Variants in MXI1 observed in about 807,000 individuals in gnomAD.
MXI1 encodes MAX interactor 1, dimerization protein, also known as max-interacting protein 1.
A neutral mutation model predicts 36.9 loss-of-function variants in MXI1; 18 were observed. The ratio of observed to expected loss-of-function variants is 0.49; its 90% CI spans 0.34 to 0.72. The LOEUF (loss-of-function observed/expected upper bound fraction) is 0.72. Among genes scored for constraint, MXI1 ranks in the 30% least tolerant of loss-of-function variants. The pLI is 0.01. For synonymous variants in MXI1, 160 were observed against 146.7 expected, an observed-to-expected ratio of 1.09 and a Z score of -0.65; for missense variants, 304 against 379.1, an observed-to-expected ratio of 0.80 and a Z score of 1.64.
Position 110,207,855 on chromosome 10 carries a change from CG to C in MXI1, c.51del (p.Leu18TrpfsTer101). 8.6e-7 allele frequency: 1 copy of C among 1,158,782 alleles called. No homozygotes were observed. 71.8% of individuals were successfully genotyped at this position (1,158,782 alleles called of 1,614,324 possible). A position where few individuals can be genotyped will look rare whatever the true frequency, so the allele number is the denominator to read the frequency against. On this transcript the variant is annotated frameshift_variant, in exon 1 of 6. Coordinates refer to ENST00000332674, the MANE Select transcript of MXI1 (RefSeq NM_130439.3). LOFTEE classifies it high-confidence loss of function. ...RPRKEARCEG[A>X]GLAPAAPPAV... Reference sequence around the variant, plus strand: ...CGCAAGGAGGCGCGCTGCGAGGGCGCGGGGCTGGCCCCCGCCGCGCCCCCGG... The same window carrying C: ...CGCAAGGAGGCGCGCTGCGAGGGCGCGGGCTGGCCCCCGCCGCGCCCCCGG...
chr10:110,245,249 A>G (rs994931664), intron 3 of MXI1, among the ~76,000 whole-genome samples: 2 of 152,160 alleles, frequency 1.3e-5, no homozygotes, highest in Non-Finnish European at 2.9e-5. Context: ...TCATTCATTC[A>G]TTCATTTATT....
intron 3 of MXI1, among the ~76,000 whole-genome samples, chr10:110,274,272 T>G (rs987829790): frequency 6.6e-6 from 1 of 152,226 alleles, no homozygotes; most frequent in Non-Finnish European, 1.5e-5. Flanking sequence ...TTAATTTTGA[T>G]AGGACTCTTC....
At chr10:110,284,703 A>T in intron 5 of MXI1, 121 bp from the exon 6 acceptor site, 2 of 943,428 alleles carry the variant, frequency 2.1e-6, no homozygotes, top group Non-Finnish European at 3.1e-6. Flanking sequence ...TTCTCCAGAC[A>T]TCACTGATAA....
intron 4 of MXI1, among the ~76,000 whole-genome samples, chr10:110,279,628 AG>A (rs1857162677): frequency 6.6e-6 from 1 of 152,226 alleles, no homozygotes; most frequent in Non-Finnish European, 1.5e-5. Context: ...ACCATACTAG[AG>A]GAAGTTTCTC....
At chr10:110,210,530 G>T (rs1182478109) in intron 1 of MXI1, among the ~76,000 whole-genome samples, 2 of 152,066 alleles carry the variant, frequency 1.3e-5, no homozygotes, top group Non-Finnish European at 2.9e-5. Flanking sequence ...GTCCCCAACA[G>T]CTCGAACAGG....
intron 3 of MXI1, among the ~76,000 whole-genome samples, chr10:110,251,137 G>A (rs1856069568): frequency 1.3e-5 from 2 of 149,498 alleles, no homozygotes; most frequent in Admixed American, 1.3e-4. Flanking sequence ...AGTTCTTACT[G>A]TGTTCCTCCA....
intron 3 of MXI1, among the ~76,000 whole-genome samples, chr10:110,266,760 A>T (rs1280173074): frequency 6.6e-6 from 1 of 152,192 alleles, no homozygotes; most frequent in Non-Finnish European, 1.5e-5. Flanking sequence ...CCTTTAATAG[A>T]GAACCCCAAG....
At chr10:110,256,358 C>T (rs1291691127) in intron 3 of MXI1, among the ~76,000 whole-genome samples, 7 of 151,484 alleles carry the variant, frequency 4.6e-5, no homozygotes, top group Non-Finnish European at 1.0e-4. Flanking sequence ...AATCCCAGCA[C>T]TTTGGGAGGC....
chr10:110,234,186 T>G (rs1443066619), intron 2 of MXI1, among the ~76,000 whole-genome samples: 2 of 152,170 alleles, frequency 1.3e-5, no homozygotes, highest in African/African-American at 4.8e-5. Context: ...GGAAGAAAGC[T>G]TTCTCTTCTA....
intron 3 of MXI1, among the ~76,000 whole-genome samples, chr10:110,256,252 T>G (rs1473282418): frequency 6.6e-6 from 1 of 152,044 alleles, no homozygotes; most frequent in Non-Finnish European, 1.5e-5. Flanking sequence ...AGGCATTGGT[T>G]TTTTACATAT....
At chr10:110,278,263 G>A (rs1230644557) in intron 3 of MXI1, among the ~76,000 whole-genome samples, 1 of 152,160 alleles carries the variant, frequency 6.6e-6, no homozygotes, top group Non-Finnish European at 1.5e-5. Flanking sequence ...GTAAATCCAT[G>A]AGGTTCTCTG....
At position 110,279,258 on chromosome 10, in the gene MXI1, A is replaced by G; in HGVS notation, c.516A>G (p.Thr172=). The G allele has an allele frequency of 6.2e-7, 1 of 1,614,180 alleles. No individual in the cohort carries two copies. The highest frequency in any genetic ancestry group is 8.5e-7 in the Non-Finnish European group (1 of 1,180,010). Residue 172 remains threonine, a synonymous_variant, in exon 4 of 6, where the codon ACA becomes ACG. Transcript: ENST00000332674. ...PLGPDCTRHT[T]LGLLNKAKAH... ...GACCAGACTGCACCCGGCACACAAC[A>G]CTTGGTTTGCTCAACAAAGCCAAAG...
At chr10:110,278,701 G>T (rs1330266717) in intron 3 of MXI1, among the ~76,000 whole-genome samples, 1 of 115,990 alleles carries the variant, frequency 8.6e-6, no homozygotes, top group Non-Finnish European at 1.6e-5. Context: ...AGAGAGGTAG[G>T]GTGTGTGTGT....
At chr10:110,281,812 T>C (rs1330951834) in intron 5 of MXI1, among the ~76,000 whole-genome samples, 1 of 152,220 alleles carries the variant, frequency 6.6e-6, no homozygotes, top group Non-Finnish European at 1.5e-5. Context: ...TGCTTTGTAC[T>C]TCCTGTTATG....
chr10:110,246,641 GT>G lies in MXI1; in HGVS notation c.437+1788del, dbSNP rs560311169. On this transcript the variant is annotated intron_variant, in intron 3 of 5. Coordinates refer to ENST00000332674, the MANE Select transcript of MXI1 (RefSeq NM_130439.3). ...ACTATGCCCCAAATGCAAAGATACTGTTTTGTTCAATTTTGTATCCTCAGTG... is the reference window on the plus strand; with the variant it reads ...ACTATGCCCCAAATGCAAAGATACTGTTTGTTCAATTTTGTATCCTCAGTG... 3.8e-4 allele frequency among the ~76,000 whole-genome samples: 58 copies of G among 152,230 alleles called. 1 individual carries two copies. Among genetic ancestry groups the G allele is most frequent in the Admixed American group, 2.5e-3 (38 of 15,282 alleles).
chr10:110,263,462 A>G (rs770498218), intron 3 of MXI1, among the ~76,000 whole-genome samples: 1 of 152,160 alleles, frequency 6.6e-6, no homozygotes, highest in Non-Finnish European at 1.5e-5. Flanking sequence ...CTTGAGTGCA[A>G]TGGTTTTACA....
chr10:110,246,120 G>C (rs1411901563), intron 3 of MXI1, among the ~76,000 whole-genome samples: 1 of 151,912 alleles, frequency 6.6e-6, no homozygotes, highest in Non-Finnish European at 1.5e-5. Context: ...CAAAGAGTTC[G>C]AGACCAGCCT....
intron 3 of MXI1, chr10:110,261,155 T>G: frequency 1.0e-6 from 1 of 983,696 alleles, no homozygotes; most frequent in Non-Finnish European, 1.2e-6. Context: ...GGTCAGTATG[T>G]TGGAATCTTT....
intron 2 of MXI1, among the ~76,000 whole-genome samples, chr10:110,238,667 A>T (rs761821547): frequency 6.6e-6 from 1 of 152,116 alleles, no homozygotes. Flanking sequence ...AAATTTGCCA[A>T]TGAAGAACTT....
Sources: gnomAD v4.1 joint callset for allele counts (sites outside exome capture counted in the v4.1 genomes callset) on GRCh38, gnomAD v4.1.1 for gene constraint, MANE v1.5 for transcripts, NCBI Gene and HGNC (gene_info 2026-07-23, HGNC 2026-07-21) for gene names.